The following GPHN variants were observed in gnomAD, a reference collection of about 807,000 sequenced individuals.
GPHN encodes gephyrin.
GPHN carries 17 observed loss-of-function variants against 95.5 expected under a neutral mutation model. The observed-to-expected ratio is 0.18, with a 90% CI of 0.12 to 0.27. The LOEUF is 0.27. Ranked by LOEUF, GPHN falls within the 10% of genes least tolerant of loss-of-function variation. GPHN has a pLI of 1.00. For synonymous variants in GPHN, 320 were observed against 322.5 expected (o/e 0.99, Z 0.08); for missense variants, 660 against 978.1 (o/e 0.67, Z 4.34).
intron 11 of GPHN, among the ~76,000 whole-genome samples, chr14:67,084,177 T>G (rs1734097232): frequency 3.3e-5 from 5 of 152,214 alleles, no homozygotes; most frequent in Admixed American, 2.6e-4. Context: ...ATGCAAATAT[T>G]AAGAGTAAAT....
chr14:67,421,071 G>A, the GPHN span, among the ~76,000 whole-genome samples: 115 of 152,270 alleles, frequency 7.6e-4, 1 homozygote, highest in East Asian at 0.021. Context: ...AAAAGGAACT[G>A]AACCCAGGAC....
intron 1 of GPHN, among the ~76,000 whole-genome samples, chr14:66,658,642 A>G (rs530984725): frequency 6.6e-6 from 1 of 152,184 alleles, no homozygotes. Context: ...TTTTTGCAAT[A>G]AGATCTTTTA....
the GPHN span, among the ~76,000 whole-genome samples, chr14:67,642,851 G>A: frequency 3.1e-4 from 38 of 122,926 alleles, no homozygotes; most frequent in Non-Finnish European, 5.7e-4. Context: ...TGCCCAGGCT[G>A]GAGTACAGTG....
chr14:67,525,529 C>A, the GPHN span, among the ~76,000 whole-genome samples: 1 of 152,172 alleles, frequency 6.6e-6, no homozygotes, highest in Non-Finnish European at 1.5e-5. Context: ...CTTCTCCTAA[C>A]ATAAATTGTG....
chr14:67,568,459 G>C, the GPHN span, among the ~76,000 whole-genome samples: 8 of 152,070 alleles, frequency 5.3e-5, no homozygotes, highest in Non-Finnish European at 1.2e-4. Flanking sequence ...TGGTGGCGGT[G>C]GGGGAGTATT....
the GPHN span, among the ~76,000 whole-genome samples, chr14:67,283,468 C>T: frequency 6.6e-6 from 1 of 152,134 alleles, no homozygotes; most frequent in Non-Finnish European, 1.5e-5. Context: ...CAGACAAAAT[C>T]CCAATGCCAG....
chr14:66,642,081 G>T (rs915369761), intron 1 of GPHN, among the ~76,000 whole-genome samples: 1 of 152,182 alleles, frequency 6.6e-6, no homozygotes, highest in Non-Finnish European at 1.5e-5. Flanking sequence ...ACAGGAGAGA[G>T]TATCCAGTGT....
chr14:67,560,776 G>T, the GPHN span, among the ~76,000 whole-genome samples: 1 of 149,162 alleles, frequency 6.7e-6, no homozygotes, highest in Non-Finnish European at 1.5e-5. Context: ...TGTTTCCCAG[G>T]CTGGAGTGCA....
the GPHN span, chr14:67,729,675 G>A: frequency 1.3e-4 from 74 of 583,460 alleles, no homozygotes; most frequent in African/African-American, 1.1e-3. Context: ...ATGCCATGGA[G>A]ATCTGGATCG....
At chr14:67,574,303 G>A in the GPHN span, 1 of 1,607,472 alleles carries the variant, frequency 6.2e-7, no homozygotes, top group Non-Finnish European at 8.5e-7. The surrounding 1 kb of genome is among the most constrained non-coding windows in gnomAD (Gnocchi z 4.2). Flanking sequence ...CTGGAGGAGT[G>A]GATCCGAGTA....
chr14:67,414,824 C>T, the GPHN span, among the ~76,000 whole-genome samples: 1 of 152,242 alleles, frequency 6.6e-6, no homozygotes, highest in Admixed American at 6.5e-5. Flanking sequence ...GAATCAGAAT[C>T]TAATCCCTAA....
At chr14:66,570,196 G>A (rs1384375600) in intron 1 of GPHN, among the ~76,000 whole-genome samples, 1 of 151,146 alleles carries the variant, frequency 6.6e-6, no homozygotes, top group Non-Finnish European at 1.5e-5. Flanking sequence ...TTCACCCATT[G>A]ATGGACAATT....
chr14:67,445,242 G>A, the GPHN span, among the ~76,000 whole-genome samples: 3 of 152,280 alleles, frequency 2.0e-5, no homozygotes, highest in East Asian at 3.9e-4. Context: ...CAAGAGGGTC[G>A]TGGGAACACC....
At chr14:66,593,775 T>G (rs1463272313) in intron 1 of GPHN, among the ~76,000 whole-genome samples, 1 of 152,188 alleles carries the variant, frequency 6.6e-6, no homozygotes, top group Non-Finnish European at 1.5e-5. Context: ...AAGACATGGG[T>G]ACTCACCCTC....
At chr14:67,538,072 T>C in the GPHN span, among the ~76,000 whole-genome samples, 2 of 152,108 alleles carry the variant, frequency 1.3e-5, no homozygotes, top group Non-Finnish European at 2.9e-5. Context: ...ATTGTACTAT[T>C]CTCCCTATTT....
chr14:66,705,857 A>G (rs547789109), intron 2 of GPHN, among the ~76,000 whole-genome samples: 1 of 152,324 alleles, frequency 6.6e-6, no homozygotes, highest in South Asian at 2.1e-4. Flanking sequence ...TCACATAGGA[A>G]GAGAGGAAGT....
intron 10 of GPHN, among the ~76,000 whole-genome samples, chr14:67,051,255 G>A (rs1309122897): frequency 1.3e-5 from 2 of 152,206 alleles, no homozygotes; most frequent in Non-Finnish European, 2.9e-5. Flanking sequence ...CCAGTTTAGA[G>A]AGGAAAATAA....
the GPHN span, among the ~76,000 whole-genome samples, chr14:67,207,288 A>G: frequency 2.6e-5 from 4 of 152,158 alleles, no homozygotes; most frequent in East Asian, 1.9e-4. Flanking sequence ...GGAACTTACA[A>G]TCGTGTGGAA....
intron 1 of GPHN, among the ~76,000 whole-genome samples, chr14:66,525,517 T>C (rs2058656167): frequency 6.6e-6 from 1 of 152,244 alleles, no homozygotes. Flanking sequence ...TTTGTCAATT[T>C]TGGCTTTTGT....
Sources: gnomAD v4.1 joint callset for allele counts (sites outside exome capture counted in the v4.1 genomes callset) on GRCh38, gnomAD v4.1.1 for gene constraint, Gnocchi (gnomAD v3.1) non-coding constraint, MANE v1.5 for transcripts, NCBI Gene and HGNC (gene_info 2026-07-23, HGNC 2026-07-21) for gene names.